The following PTPRE variants were observed in gnomAD, a reference collection of about 807,000 sequenced individuals.
PTPRE encodes protein tyrosine phosphatase receptor type E, also known as receptor-type tyrosine-protein phosphatase epsilon.
In PTPRE, 51 loss-of-function variants were observed where a neutral mutation model predicts 102.0. That is an observed-to-expected ratio of 0.50 (90% CI 0.40 to 0.63). The LOEUF (loss-of-function observed/expected upper bound fraction) is 0.63, where lower values mean the gene tolerates loss of function less well. Ranked by LOEUF, PTPRE falls within the 30% of genes least tolerant of loss-of-function variation. The pLI is 0.00. For missense variants in PTPRE, 752 were observed against 915.1 expected, an observed-to-expected ratio of 0.82 and a Z score of 2.30; for synonymous variants, 345 against 348.2, an observed-to-expected ratio of 0.99 and a Z score of 0.10.
chr10:127,932,901 C>A (rs1277459452), intron 1 of PTPRE, among the ~76,000 whole-genome samples: 1 of 152,220 alleles, frequency 6.6e-6, no homozygotes, highest in African/African-American at 2.4e-5. Context: ...GAGGTCTCAG[C>A]TTCCACACAG....
At chr10:128,000,264 T>C (rs532377525) in intron 2 of PTPRE, among the ~76,000 whole-genome samples, 3 of 152,328 alleles carry the variant, frequency 2.0e-5, no homozygotes, top group Admixed American at 2.0e-4. Flanking sequence ...GTATAAGTAA[T>C]CCCTCTTTCA....
At chr10:127,982,172 A>G in intron 1 of PTPRE, 102 bp from the exon 2 acceptor site, 1 of 651,444 alleles carries the variant, frequency 1.5e-6, no homozygotes, top group South Asian at 1.8e-5. Context: ...TTAAGCAAAA[A>G]TGGGATAGTC....
rs1023076565 is a variant in PTPRE, at chr10:128,075,978, G to T, written c.1600-625G>T. On this transcript the variant is annotated intron_variant, in intron 17 of 20. Coordinates refer to ENST00000254667, the MANE Select transcript of PTPRE (RefSeq NM_006504.6). Reference sequence around the variant, plus strand: ...TTTTATGTATTGCAAACATCTTATTGCAATCTGTGGCGTGTCTTTTCACTC... The same window carrying T: ...TTTTATGTATTGCAAACATCTTATTTCAATCTGTGGCGTGTCTTTTCACTC... Among the ~76,000 whole-genome samples, 139 of 152,086 alleles carry T rather than the reference G, an allele frequency of 9.1e-4. 2 individuals carry two copies. Among genetic ancestry groups the T allele is most frequent in the Admixed American group, 8.8e-3 (134 of 15,266 alleles).
At chr10:128,002,680 T>A in intron 2 of PTPRE, among the ~76,000 whole-genome samples, 1 of 109,458 alleles carries the variant, frequency 9.1e-6, no homozygotes. Flanking sequence ...GGGAGTCACA[T>A]ATCTTTTTTT....
chr10:127,951,464 A>C (rs537634372), intron 1 of PTPRE, among the ~76,000 whole-genome samples: 1 of 152,354 alleles, frequency 6.6e-6, no homozygotes, highest in South Asian at 2.1e-4. Context: ...TGATTCCAGG[A>C]GACCTGAAAT....
chr10:127,907,369 G>T lies in PTPRE; in HGVS notation c.-31+60G>T. The T allele has an allele frequency of 1.0e-6, 1 of 980,260 alleles. No individual in the cohort carries two copies. The highest frequency in any genetic ancestry group is 1.2e-6 in the Non-Finnish European group (1 of 825,738). 60.7% of individuals were successfully genotyped at this position (980,260 alleles called of 1,614,324 possible). ...TGTGGGGAACTGTGCACCCCGGGAG[G>T]CCCAAGCAGGCCGGGGCGCTGCCTC... On this transcript the variant is annotated intron_variant, in intron 1 of 20. Transcript: ENST00000254667. The surrounding 1 kb of genome is among the most constrained non-coding windows in gnomAD (Gnocchi z 4.8).
chr10:128,082,603 A>C (rs1851822185), intron 20 of PTPRE, among the ~76,000 whole-genome samples: 1 of 152,036 alleles, frequency 6.6e-6, no homozygotes, highest in Non-Finnish European at 1.5e-5. Flanking sequence ...AGCCCATTAA[A>C]TACACTAAGT....
chr10:128,068,508 A>G (rs1218017936), intron 12 of PTPRE: 2 of 419,442 alleles, frequency 4.8e-6, no homozygotes, highest in Non-Finnish European at 8.2e-6. Flanking sequence ...CACCAAAGCC[A>G]GGAGGCTCCG....
In PTPRE at chr10:128,085,501, G is replaced by A. The variant is rs965639421; in HGVS notation, c.*2595G>A. On this transcript the variant is annotated 3_prime_UTR_variant, in exon 21 of 21. Transcript: ENST00000254667. The stretch of plus-strand genomic sequence containing the variant: ...GTTTCTCTCCATGTGCTATATGAAT[G>A]AAGAATGCATACCAGTGTTTTAAAA... The A allele has an allele frequency of 3.9e-5, 6 of 153,868 alleles. No individual in the cohort carries two copies. Among genetic ancestry groups the A allele is most frequent in the Admixed American group, 6.5e-5 (1 of 15,416 alleles). The allele number at this position is 153,868 out of a possible 1,614,324, so 9.5% of individuals were successfully genotyped here.
intron 1 of PTPRE, among the ~76,000 whole-genome samples, chr10:127,927,385 C>T (rs1652806490): frequency 1.3e-5 from 2 of 152,276 alleles, no homozygotes; most frequent in Admixed American, 1.3e-4. Context: ...CAAGACACTC[C>T]GCATGAGAGG....
intron 2 of PTPRE, among the ~76,000 whole-genome samples, chr10:128,001,112 G>A (rs919594528): frequency 1.1e-4 from 17 of 152,244 alleles, no homozygotes; most frequent in African/African-American, 3.6e-4. Context: ...AACTAATCAC[G>A]TTTTACCTGT....
intron 7 of PTPRE, 131 bp from the exon 8 acceptor site, chr10:128,060,808 G>T (rs545162019): frequency 2.6e-6 from 2 of 762,452 alleles, no homozygotes; most frequent in African/African-American, 3.5e-5. Context: ...CCCTGGTGTC[G>T]CTGTGAAGCT....
chr10:128,069,117 G>C (rs547396567), intron 12 of PTPRE: 5 of 152,706 alleles, frequency 3.3e-5, no homozygotes, highest in East Asian at 1.9e-4. Context: ...CCCGAAGAAC[G>C]GGCTTTCCCC....
In PTPRE at chr10:128,070,102, C is replaced by A. The variant is rs1850636934; in HGVS notation, c.1144-199C>A. 2 of 709,840 alleles carry A rather than the reference C, an allele frequency of 2.8e-6. No homozygotes were observed. Among genetic ancestry groups the A allele is most frequent in the Non-Finnish European group, 4.6e-6 (2 of 435,894 alleles). The allele number at this position is 709,840 out of a possible 1,614,324, so 44.0% of individuals were successfully genotyped here. On this transcript the variant is annotated intron_variant, in intron 13 of 20. Coordinates refer to ENST00000254667, the MANE Select transcript of PTPRE (RefSeq NM_006504.6). The surrounding 1 kb of genome is among the most constrained non-coding windows in gnomAD (Gnocchi z 4.8). The stretch of plus-strand genomic sequence containing the variant: ...GCGTGGCGTGCTCACCAATGTGAGG[C>A]TCTGCTGCTACCGTTCTCCTTACTC...
At position 127,913,077 on chromosome 10, in the gene PTPRE, C is replaced by G. The variant is rs1392589075; in HGVS notation, c.-31+5768C>G. ...CTCTGGACAAGGCAAGGGACTTCCC[C>G]TGGCCCAGTGTGAGCCCAAGTCTTT... On this transcript the variant is annotated intron_variant, in intron 1 of 20. Coordinates refer to ENST00000254667, the MANE Select transcript of PTPRE (RefSeq NM_006504.6). 2.0e-5 allele frequency among the ~76,000 whole-genome samples: 3 copies of G among 152,340 alleles called. No homozygotes were observed. The East Asian group carries it at 5.8e-4, about 29-fold the overall frequency.
intron 2 of PTPRE, among the ~76,000 whole-genome samples, chr10:128,002,722 A>G (rs1854082827): frequency 1.9e-5 from 1 of 51,764 alleles, no homozygotes; most frequent in Admixed American, 3.2e-4. Context: ...TTTTTTTTTG[A>G]GACAGGGTCT....
At chr10:127,909,794 T>C (rs1422786034) in intron 1 of PTPRE, among the ~76,000 whole-genome samples, 1 of 152,220 alleles carries the variant, frequency 6.6e-6, no homozygotes, top group Non-Finnish European at 1.5e-5. Context: ...CCGAAGCGCA[T>C]GTGCTGATGG....
At chr10:128,063,473 G>A (rs1014402959) in intron 10 of PTPRE, among the ~76,000 whole-genome samples, 18 of 152,228 alleles carry the variant, frequency 1.2e-4, no homozygotes, top group Admixed American at 1.0e-3. Context: ...TGCCTGATGA[G>A]AGACATGAAT....
At chr10:128,060,220 C>T (rs1849441061) in intron 7 of PTPRE, among the ~76,000 whole-genome samples, 1 of 150,362 alleles carries the variant, frequency 6.7e-6, no homozygotes, top group African/African-American at 2.4e-5. Context: ...CACACACACA[C>T]CACACATTAC....
Sources: gnomAD v4.1 joint callset for allele counts (sites outside exome capture counted in the v4.1 genomes callset) on GRCh38, gnomAD v4.1.1 for gene constraint, Gnocchi (gnomAD v3.1) non-coding constraint, MANE v1.5 for transcripts, NCBI Gene and HGNC (gene_info 2026-07-23, HGNC 2026-07-21) for gene names.